The following TERB2 variants were observed in gnomAD, a reference collection of about 807,000 sequenced individuals.
TERB2 encodes telomere repeat binding bouquet formation protein 2.
A neutral mutation model predicts 29.8 loss-of-function variants in TERB2; 26 were observed. That is an observed-to-expected ratio of 0.87 (90% confidence interval 0.64 to 1.21). The LOEUF (loss-of-function observed/expected upper bound fraction) is 1.21. Among genes scored for constraint, TERB2 ranks in the 50% most tolerant of loss-of-function variants. TERB2 has a pLI of 0.00. For synonymous variants in TERB2, 80 were observed against 90.8 expected (o/e 0.88, Z 0.68); for missense variants, 240 against 268.6 (o/e 0.89, Z 0.74).
intron 4 of TERB2, among the ~76,000 whole-genome samples, chr15:44,961,786 G>C (rs1566944720): frequency 6.6e-6 from 1 of 152,172 alleles, no homozygotes; most frequent in Non-Finnish European, 1.5e-5. Context: ...TGCAACCTTT[G>C]CCTTCTGGGT....
intron 6 of TERB2, 117 bp downstream of exon 6, chr15:44,974,072 T>C: frequency 9.4e-7 from 1 of 1,068,590 alleles, no homozygotes; most frequent in Non-Finnish European, 1.2e-6. Flanking sequence ...CTAGTAAGCC[T>C]GGTAATGGAG....
intron 5 of TERB2, among the ~76,000 whole-genome samples, chr15:44,971,599 C>CA (rs1195610288): frequency 1.3e-5 from 2 of 151,884 alleles, no homozygotes; most frequent in Non-Finnish European, 2.9e-5. Flanking sequence ...ACTAAAAATA[C>CA]AAAAAATTAG....
chr15:44,966,316 T>A, intron 5 of TERB2, 73 bp downstream of exon 5: 2 of 866,382 alleles, frequency 2.3e-6, no homozygotes, highest in Non-Finnish European at 3.2e-6. Flanking sequence ...TGTGCTTATC[T>A]CATTTAATTT....
At chr15:44,957,446 G>A (rs1404387954) in intron 2 of TERB2, among the ~76,000 whole-genome samples, 1 of 152,014 alleles carries the variant, frequency 6.6e-6, no homozygotes, top group East Asian at 1.9e-4. Flanking sequence ...ACACCCGCAT[G>A]TAGCGCCTTG....
intron 5 of TERB2, among the ~76,000 whole-genome samples, chr15:44,966,491 T>A (rs1221945550): frequency 2.6e-5 from 4 of 152,280 alleles, no homozygotes; most frequent in African/African-American, 4.8e-5. Context: ...TAAATGGTAG[T>A]CATTAAATAC....
At chr15:44,965,420 T>C (rs1447566514) in intron 4 of TERB2, among the ~76,000 whole-genome samples, 1 of 144,638 alleles carries the variant, frequency 6.9e-6, no homozygotes, top group Non-Finnish European at 1.5e-5. Flanking sequence ...GAGTTATATA[T>C]TTTATACCTT....
Position 44,973,970 on chromosome 15 carries a change from A to G in TERB2, c.523+15A>G. On this transcript the variant is annotated intron_variant, in intron 6 of 6. Coordinates refer to ENST00000340827, the MANE Select transcript of TERB2 (RefSeq NM_152448.3). ...CATGGTAACAGGTAGTTTAAAATAA[A>G]ATTTAGAGTAAACTCAGGTAGGAAA... The G allele has an allele frequency of 6.6e-7, 1 of 1,518,138 alleles. No individual in the cohort carries two copies. Among genetic ancestry groups the G allele is most frequent in the Admixed American group, 1.9e-5 (1 of 52,520 alleles). The allele number at this position is 1,518,138 out of a possible 1,614,324, so 94.0% of individuals were successfully genotyped here.
intron 4 of TERB2, among the ~76,000 whole-genome samples, chr15:44,964,696 G>C (rs1005595149): frequency 6.6e-6 from 1 of 152,108 alleles, no homozygotes; most frequent in African/African-American, 2.4e-5. Flanking sequence ...CATGATAAAA[G>C]AATTTGTCAA....
intron 6 of TERB2, chr15:44,976,250 C>T (rs945776879): frequency 2.0e-5 from 3 of 152,152 alleles, no homozygotes; most frequent in African/African-American, 7.2e-5. Context: ...AGTATCCTAG[C>T]TGGATGCTTC....
intron 4 of TERB2, among the ~76,000 whole-genome samples, chr15:44,963,804 CTT>C (rs34438861): frequency 4.6e-3 from 360 of 79,116 alleles, no homozygotes; most frequent in Non-Finnish European, 5.1e-3. Context: ...TTATACTATT[CTT>C]TTTTTTTTTT....
intron 5 of TERB2, among the ~76,000 whole-genome samples, chr15:44,968,060 A>G (rs1211699066): frequency 2.4e-5 from 3 of 124,448 alleles, no homozygotes; most frequent in Non-Finnish European, 4.9e-5. Context: ...CACAGATAAA[A>G]TATACCCTCA....
chr15:44,972,729 TG>T (rs1891988976), intron 5 of TERB2, among the ~76,000 whole-genome samples: 2 of 151,956 alleles, frequency 1.3e-5, no homozygotes, highest in South Asian at 2.1e-4. Flanking sequence ...TTGGCCAGGG[TG>T]GTCTCAAACT....
At chr15:44,961,751 G>C (rs894698442) in intron 4 of TERB2, among the ~76,000 whole-genome samples, 167 bp downstream of exon 4, 3 of 152,234 alleles carry the variant, frequency 2.0e-5, no homozygotes, top group African/African-American at 4.8e-5. Flanking sequence ...CCAGGCTGGA[G>C]TGTAGCAACG....
intron 5 of TERB2, chr15:44,970,214 A>T (rs1480532592): frequency 6.0e-6 from 1 of 165,806 alleles, no homozygotes; most frequent in Non-Finnish European, 1.3e-5. Flanking sequence ...CCTCATTAGG[A>T]ATGGCTCTCT....
intron 5 of TERB2, among the ~76,000 whole-genome samples, chr15:44,972,696 A>G (rs962134121): frequency 2.0e-5 from 3 of 151,344 alleles, no homozygotes; most frequent in African/African-American, 7.3e-5. Context: ...TTGTATTTTT[A>G]GTAGAGACAG....
intron 5 of TERB2, chr15:44,973,580 T>C (rs1254870779): frequency 1.3e-5 from 2 of 153,862 alleles, no homozygotes; most frequent in African/African-American, 2.4e-5. Flanking sequence ...ACAGCACATA[T>C]ACCAAAACTG....
chr15:44,965,932 G>T (rs577314656), intron 4 of TERB2, among the ~76,000 whole-genome samples: 1 of 151,836 alleles, frequency 6.6e-6, no homozygotes, highest in African/African-American at 2.4e-5. Flanking sequence ...TAAAATTCTG[G>T]TCTTCTTTAT....
rs1326293996 is a variant in TERB2 at position 44,972,726 on chromosome 15, G to A, written c.435-1141G>A. Among the ~76,000 whole-genome samples, 4 of 151,948 alleles carry A rather than the reference G, an allele frequency of 2.6e-5. No individual in the cohort carries two copies. The East Asian group carries it at 7.7e-4, about 29-fold the overall frequency. On this transcript the variant is annotated intron_variant, in intron 5 of 6. Transcript: ENST00000340827. ...AGACAGGGTTTCACCATGTTGGCCAGGGTGGTCTCAAACTCCTGACCTTAA... is the reference window on the plus strand; with the variant it reads ...AGACAGGGTTTCACCATGTTGGCCAAGGTGGTCTCAAACTCCTGACCTTAA...
At chr15:44,967,224 C>T (rs1394235362) in intron 5 of TERB2, among the ~76,000 whole-genome samples, 1 of 152,188 alleles carries the variant, frequency 6.6e-6, no homozygotes, top group Admixed American at 6.5e-5. Context: ...TTCATATTTT[C>T]CAATTCAGTT....
Sources: allele counts gnomAD v4.1 joint callset (sites outside exome capture counted in the v4.1 genomes callset), GRCh38; gene constraint gnomAD v4.1.1; transcripts MANE v1.5; gene names NCBI Gene and HGNC (gene_info 2026-07-23, HGNC 2026-07-21).